Variants in DRC7 observed in about 807,000 individuals in gnomAD.
DRC7 encodes the protein dynein regulatory complex subunit 7.
A neutral mutation model predicts 104.4 loss-of-function variants in DRC7; 80 were observed. The ratio of observed to expected loss-of-function variants is 0.77; its 90% confidence interval spans 0.64 to 0.92. The LOEUF is 0.92. DRC7 is among the 40% of genes least tolerant of loss of function. The probability of loss-of-function intolerance (pLI) is 0.00; values close to 1 mark genes in which losing one functional copy is unlikely to be tolerated. For synonymous variants in DRC7, 405 were observed against 447.3 expected, an observed-to-expected ratio of 0.91 and a Z score of 1.19; for missense variants, 1,034 against 1,141.1, an observed-to-expected ratio of 0.91 and a Z score of 1.35.
chr16:57,726,118 C>A lies in DRC7; in HGVS notation c.1809C>A (p.Asp603Glu), dbSNP rs201411909. The A allele has an allele frequency of 1.2e-6, 2 of 1,613,290 alleles. No homozygotes were observed. Among genetic ancestry groups the A allele is most frequent in the Middle Eastern group, 1.7e-4 (1 of 6,056 alleles). ...ACCCAGCGAAGCCCGCGGAGGAGGACGTGGCAGAGCGCGTGTTTCTGGTCG... is the reference window on the plus strand; with the variant it reads ...ACCCAGCGAAGCCCGCGGAGGAGGAAGTGGCAGAGCGCGTGTTTCTGGTCG... ...FRNPAKPAEE[D>E]VAERVFLVAE... The change falls in exon 14 of 19, where the codon GAC becomes GAA. Residue 603 changes from aspartate (D) to glutamate (E), a missense_variant. Asp to Glu is a conservative substitution (Grantham distance 45). Coordinates refer to ENST00000360716, the MANE Select transcript of DRC7 (RefSeq NM_001289162.2).
chr16:57,704,977 G>A lies in DRC7; in HGVS notation c.801G>A (p.Gln267=). The A allele has an allele frequency of 6.2e-7, 1 of 1,613,630 alleles. No homozygotes were observed. The highest frequency in any genetic ancestry group is 1.3e-5 in the African/African-American group (1 of 75,022). The part of the protein sequence containing the change: ...RFEQEQEVKK[Q]QEIRAQEKKR... The stretch of plus-strand genomic sequence containing the variant: ...AGCAGGAGCAAGAGGTGAAGAAGCA[G>A]CAGGAGATCAGAGCCCAGGAGAAGA... The change falls in exon 7 of 19, where the codon CAG becomes CAA. Residue 267 remains glutamine, a synonymous_variant. Coordinates refer to ENST00000360716, the MANE Select transcript of DRC7 (RefSeq NM_001289162.2).
chr16:57,703,199 G>GAA (rs2048677853), intron 6 of DRC7, among the ~76,000 whole-genome samples: 1 of 32,920 alleles, frequency 3.0e-5, no homozygotes, highest in African/African-American at 1.3e-4. Context: ...CTTTTTAATA[G>GAA]CAAAAAAAAA....
chr16:57,703,750 T>A (rs1173552143), intron 6 of DRC7, among the ~76,000 whole-genome samples: 5 of 152,120 alleles, frequency 3.3e-5, no homozygotes, highest in Non-Finnish European at 7.4e-5. Flanking sequence ...GTGGACCACT[T>A]GAGCGCAGGA....
chr16:57,708,450 T>C (rs1309423218), intron 8 of DRC7, among the ~76,000 whole-genome samples: 3 of 152,222 alleles, frequency 2.0e-5, no homozygotes, highest in Non-Finnish European at 4.4e-5. Flanking sequence ...TTCATTTTCA[T>C]TTTTTATTAC....
At chr16:57,715,692 A>G (rs2404689) in intron 8 of DRC7, among the ~76,000 whole-genome samples, 33,135 of 152,142 alleles carry the variant, frequency 0.22, 3,908 homozygotes, top group South Asian at 0.26. Context: ...GTAAAGTGAG[A>G]TCATTTCTCC....
intron 4 of DRC7, 105 bp downstream of exon 4, chr16:57,699,129 A>G: frequency 1.5e-6 from 2 of 1,367,590 alleles, no homozygotes; most frequent in Non-Finnish European, 2.0e-6. Flanking sequence ...CAAATCACGG[A>G]CCTCCTGTGG....
At chr16:57,714,507 T>A (rs1324705738) in intron 8 of DRC7, among the ~76,000 whole-genome samples, 1 of 152,006 alleles carries the variant, frequency 6.6e-6, no homozygotes, top group Non-Finnish European at 1.5e-5. Flanking sequence ...GCACCTGTAG[T>A]CCCAGCTACT....
rs922989939 is a variant in DRC7 at position 57,711,186 on chromosome 16, T to C, written c.1077+3508T>C. 3.9e-5 allele frequency among the ~76,000 whole-genome samples: 6 copies of C among 152,270 alleles called. No individual in the cohort carries two copies. The East Asian group carries it at 9.6e-4, about 24-fold the overall frequency. On this transcript the variant is annotated intron_variant, in intron 8 of 18. Transcript: ENST00000360716. ...GCTGTTTTTGAGTGAGGTTTGGTGT[T>C]TGTATCTTTCAAGAAATTTGTCCAT...
rs559031684 is a variant in DRC7, at chr16:57,716,446, T to C, written c.1078-1901T>C. 8.9e-5 allele frequency among the ~76,000 whole-genome samples: 13 copies of C among 146,224 alleles called. No homozygotes were observed. In the South Asian group the frequency reaches 2.5e-3, roughly 29 times the overall value. ...TGAACCCAGGAGGCAGAGGTTGCAGTGAGCCGAGATCATGCCACTGCACTC... is the reference window on the plus strand; with the variant it reads ...TGAACCCAGGAGGCAGAGGTTGCAGCGAGCCGAGATCATGCCACTGCACTC... On this transcript the variant is annotated intron_variant, in intron 8 of 18. Transcript: ENST00000360716.
At chr16:57,714,634 T>TCACACACACA (rs111259708) in intron 8 of DRC7, 4,710 of 186,848 alleles carry the variant, frequency 0.025, 300 homozygotes, top group East Asian at 0.21. Context: ...TCTCTCTCTG[T>TCACACACACA]CACACACACA....
At chr16:57,727,020 G>A (rs1310249772) in intron 15 of DRC7, 78 bp downstream of exon 15, 9 of 897,022 alleles carry the variant, frequency 1.0e-5, no homozygotes, top group East Asian at 7.9e-5. Flanking sequence ...AACCCAGGCT[G>A]GAATGCAGTG....
At chr16:57,708,945 A>G (rs1366191108) in intron 8 of DRC7, among the ~76,000 whole-genome samples, 2 of 151,988 alleles carry the variant, frequency 1.3e-5, no homozygotes, top group African/African-American at 4.8e-5. Context: ...CCTGGCCAAC[A>G]TGGTGAAACC....
At chr16:57,710,286 GA>G (rs2048779550) in intron 8 of DRC7, among the ~76,000 whole-genome samples, 1 of 152,122 alleles carries the variant, frequency 6.6e-6, no homozygotes. Flanking sequence ...TTGATGCTAT[GA>G]TTTTTTTAAA....
intron 4 of DRC7, among the ~76,000 whole-genome samples, chr16:57,699,448 C>A (rs1227622825): frequency 6.6e-6 from 1 of 152,174 alleles, no homozygotes. Context: ...TGTTTCCCAC[C>A]CCCTGGATGA....
chr16:57,706,206 A>ACCCATCCTCCCATCCT (rs1356817782), intron 7 of DRC7, among the ~76,000 whole-genome samples: 1 of 115,452 alleles, frequency 8.7e-6, no homozygotes, highest in Non-Finnish European at 1.8e-5. Context: ...CCTCCCATCC[A>ACCCATCCTCCCATCCT]CCCATCCTCC....
chr16:57,717,083 G>C (rs2048850798), intron 8 of DRC7, among the ~76,000 whole-genome samples: 1 of 151,366 alleles, frequency 6.6e-6, no homozygotes, highest in African/African-American at 2.4e-5. Flanking sequence ...ACTTGAACCG[G>C]GGAGATAGAG....
chr16:57,700,266 A>G lies in DRC7; in HGVS notation c.500A>G (p.Lys167Arg). Residue 167 changes from lysine (K) to arginine (R), a missense_variant, in exon 5 of 19, where the codon AAG becomes AGG. Transcript: ENST00000360716. ...ATGGTGCCCCTGCCTGACCCTCTCA[A>G]GCCGGTAAGCACCACTCACAGGCTG... ...LTMVPLPDPL[K>R]PPSHLYSSTT... 1 of 1,613,182 alleles carries G rather than the reference A, an allele frequency of 6.2e-7. No homozygotes were observed. Among genetic ancestry groups the G allele is most frequent in the Non-Finnish European group, 8.5e-7 (1 of 1,179,362 alleles).
intron 8 of DRC7, 92 bp downstream of exon 8, chr16:57,707,770 G>A: frequency 8.4e-7 from 1 of 1,186,392 alleles, no homozygotes. Flanking sequence ...CTTGGGGAGA[G>A]CGAGACACCA....
intron 7 of DRC7, among the ~76,000 whole-genome samples, chr16:57,705,645 A>AT (rs2048707773): frequency 8.9e-6 from 1 of 112,892 alleles, no homozygotes; most frequent in Non-Finnish European, 1.8e-5. Context: ...CCATCCTCCC[A>AT]CCCATCCTCC....
Sources: gnomAD v4.1 joint callset for allele counts (sites outside exome capture counted in the v4.1 genomes callset) on GRCh38, gnomAD v4.1.1 for gene constraint, MANE v1.5 for transcripts, NCBI Gene and HGNC (gene_info 2026-07-23, HGNC 2026-07-21) for gene names.